The following DOCK4 variants were observed in gnomAD, a reference collection of about 807,000 sequenced individuals.
The protein encoded by DOCK4 is dedicator of cytokinesis protein 4.
DOCK4 carries 97 observed loss-of-function variants against 268.1 expected under a neutral mutation model. The ratio of observed to expected loss-of-function variants is 0.36; its 90% CI spans 0.31 to 0.43. DOCK4 has a LOEUF of 0.43. Among genes scored for constraint, DOCK4 ranks in the 20% least tolerant of loss-of-function variants. The pLI, the probability that DOCK4 is intolerant of heterozygous loss-of-function variation, is 1.00. For synonymous variants in DOCK4, 954 were observed against 887.2 expected (o/e 1.08, Z -1.34); for missense variants, 2,145 against 2,455.7 (o/e 0.87, Z 2.67).
chr7:112,060,066 T>C (rs1020571428), intron 1 of DOCK4, among the ~76,000 whole-genome samples: 7 of 152,222 alleles, frequency 4.6e-5, no homozygotes, highest in African/African-American at 1.7e-4. Context: ...GACACCAAGT[T>C]CATAGGACAC....
At chr7:111,789,774 G>A (rs1799407363) in intron 31 of DOCK4, among the ~76,000 whole-genome samples, 1 of 152,140 alleles carries the variant, frequency 6.6e-6, no homozygotes, top group Admixed American at 6.5e-5. Context: ...ACATGAGGAA[G>A]GGTCAAACCC....
At chr7:112,039,213 C>T (rs1049264842) in intron 1 of DOCK4, among the ~76,000 whole-genome samples, 9 of 152,090 alleles carry the variant, frequency 5.9e-5, no homozygotes, top group African/African-American at 1.7e-4. Flanking sequence ...TAAGTGATGT[C>T]GGAATTGTCT....
intron 1 of DOCK4, among the ~76,000 whole-genome samples, chr7:112,159,155 A>G (rs1015476504): frequency 6.6e-6 from 1 of 152,166 alleles, no homozygotes; most frequent in African/African-American, 2.4e-5. Flanking sequence ...TTATTGTCTC[A>G]TAAAATGATG....
chr7:111,860,401 T>A (rs972044441), intron 23 of DOCK4, among the ~76,000 whole-genome samples: 4 of 152,220 alleles, frequency 2.6e-5, no homozygotes, highest in Non-Finnish European at 5.9e-5. Context: ...ATCTTATACA[T>A]CACAGTCTCT....
intron 1 of DOCK4, chr7:112,023,619 C>A (rs574846457): frequency 1.1e-4 from 49 of 451,948 alleles, no homozygotes; most frequent in African/African-American, 7.6e-4. Flanking sequence ...TATTGAAGGG[C>A]TTTTGTTTGT....
intron 23 of DOCK4, among the ~76,000 whole-genome samples, chr7:111,853,831 A>C (rs1009613101): frequency 1.3e-5 from 2 of 151,990 alleles, no homozygotes; most frequent in Non-Finnish European, 2.9e-5. Context: ...ACACTGTTTT[A>C]TTGTCATATT....
At chr7:111,732,318 T>C (rs1795156672) in intron 51 of DOCK4, 31 bp from the exon 52 acceptor site, 3 of 1,612,026 alleles carry the variant, frequency 1.9e-6, no homozygotes, top group Non-Finnish European at 2.5e-6. Context: ...AACATTTCAA[T>C]TAAGAAAAAC....
At chr7:111,979,933 G>C (rs967198363) in intron 7 of DOCK4, among the ~76,000 whole-genome samples, 1 of 152,138 alleles carries the variant, frequency 6.6e-6, no homozygotes, top group Non-Finnish European at 1.5e-5. Flanking sequence ...TCTTATCTCA[G>C]AACAATTAAA....
chr7:111,868,719 A>AT lies in DOCK4; in HGVS notation c.2110-566dup, dbSNP rs201566935. Among the ~76,000 whole-genome samples the AT allele has an allele frequency of 7.0e-3, 1,056 of 151,872 alleles. 20 individuals are homozygous for AT. The highest frequency in any genetic ancestry group is 0.024 in the African/African-American group (986 of 41,422). On this transcript the variant is annotated intron_variant, in intron 21 of 52. Coordinates refer to ENST00000428084, the MANE Select transcript of DOCK4 (RefSeq NM_001363540.2). ...GAGCAAAATTCCGTCTAAAAAAAAA[A>AT]TTAAAAAAAAAAAAATTTTATCATT...
intron 5 of DOCK4, among the ~76,000 whole-genome samples, chr7:111,993,226 T>C (rs1025404509): frequency 2.0e-5 from 3 of 152,352 alleles, no homozygotes; most frequent in Admixed American, 6.5e-5. Flanking sequence ...CCTCACTAAT[T>C]TGGATTTTTT....
At chr7:112,128,264 C>T (rs1013725615) in intron 1 of DOCK4, among the ~76,000 whole-genome samples, 29 of 151,656 alleles carry the variant, frequency 1.9e-4, no homozygotes, top group Non-Finnish European at 2.8e-4. Context: ...CCCCTCTGCC[C>T]GGCCAGCCGC....
Position 111,758,739 on chromosome 7 carries a change from T to G in DOCK4, c.4214A>C (p.Gln1405Pro), listed in dbSNP as rs768381719. The G allele has an allele frequency of 6.2e-7, 1 of 1,614,010 alleles. No homozygotes were observed. The highest frequency in any genetic ancestry group is 1.7e-5 in the Admixed American group (1 of 60,020). ...GATGTTGTCCGGAACACCCTCTCTCTGCAGGACCTCCTGGCTCTCTGGAAT... is the reference window on the plus strand; with the variant it reads ...GATGTTGTCCGGAACACCCTCTCTCGGCAGGACCTCCTGGCTCTCTGGAAT... The part of the protein sequence containing the change: ...TPIPESQEVL[Q>P]REGVPDNIKS... The change falls in exon 41 of 53, where the codon CAG becomes CCG. Residue 1405 changes from glutamine (Q) to proline (P), a missense_variant. Transcript: ENST00000428084.
intron 1 of DOCK4, among the ~76,000 whole-genome samples, chr7:112,097,586 C>A (rs1810273016): frequency 6.6e-6 from 1 of 152,112 alleles, no homozygotes; most frequent in Non-Finnish European, 1.5e-5. Flanking sequence ...GTTCCATGGG[C>A]CTCTGATACT....
At chr7:111,746,817 T>TTTC (rs1796308097) in intron 43 of DOCK4, among the ~76,000 whole-genome samples, 1 of 1,450 alleles carries the variant, frequency 6.9e-4, no homozygotes, top group Admixed American at 0.011. Context: ...GTCTTATCTT[T>TTTC]TTTTTTTTTT....
At position 111,781,188 on chromosome 7, in the gene DOCK4, A is replaced by G. The variant is rs199887105; in HGVS notation, c.3585+1676T>C. Among the ~76,000 whole-genome samples the G allele has an allele frequency of 5.9e-5, 9 of 152,328 alleles. No individual in the cohort carries two copies. The South Asian group carries it at 1.9e-3, about 32-fold the overall frequency. ...GAAAGAAGATGGAAGAATGGAGAGG[A>G]TTACTTTGGGGAAAGGTAAAGGCTT... On this transcript the variant is annotated intron_variant, in intron 35 of 52. Coordinates refer to ENST00000428084, the MANE Select transcript of DOCK4 (RefSeq NM_001363540.2).
At chr7:112,148,456 T>C (rs2116361784) in intron 1 of DOCK4, among the ~76,000 whole-genome samples, 1 of 152,230 alleles carries the variant, frequency 6.6e-6, no homozygotes, top group African/African-American at 2.4e-5. Context: ...TGAAATACAA[T>C]TATCTAACCC....
At chr7:111,836,809 G>C (rs1031829543) in intron 25 of DOCK4, among the ~76,000 whole-genome samples, 3 of 151,870 alleles carry the variant, frequency 2.0e-5, no homozygotes, top group African/African-American at 7.3e-5. Context: ...TGAAAGGTAG[G>C]GCAGTAGAAA....
intron 1 of DOCK4, among the ~76,000 whole-genome samples, chr7:112,164,428 T>C (rs1817407685): frequency 6.6e-6 from 1 of 152,202 alleles, no homozygotes; most frequent in African/African-American, 2.4e-5. Context: ...ATTAATAAAG[T>C]ACACATTTTA....
intron 1 of DOCK4, among the ~76,000 whole-genome samples, chr7:112,188,015 T>C (rs1415109500): frequency 6.6e-6 from 1 of 152,206 alleles, no homozygotes; most frequent in Non-Finnish European, 1.5e-5. Flanking sequence ...ACTTAATAGC[T>C]CTGGCAATTC....
Sources: gnomAD v4.1 joint callset for allele counts (sites outside exome capture counted in the v4.1 genomes callset) on GRCh38, gnomAD v4.1.1 for gene constraint, MANE v1.5 for transcripts, NCBI Gene and HGNC (gene_info 2026-07-23, HGNC 2026-07-21) for gene names.